Variants in CA10 observed in about 807,000 individuals in gnomAD.
The protein encoded by CA10 is carbonic anhydrase-related protein 10.
A neutral mutation model predicts 44.2 loss-of-function variants in CA10; 14 were observed. The observed-to-expected ratio is 0.32, with a 90% CI of 0.21 to 0.50. The LOEUF is 0.50. Ranked by LOEUF, CA10 falls within the 20% of genes least tolerant of loss-of-function variation. The probability of loss-of-function intolerance (pLI) is 0.99; values close to 1 mark genes in which losing one functional copy is unlikely to be tolerated. For synonymous variants in CA10, 159 were observed against 141.6 expected (o/e 1.12, Z -0.87); for missense variants, 350 against 409.7 (o/e 0.85, Z 1.26).
chr17:51,735,883 G>C (rs1916887466), intron 4 of CA10, among the ~76,000 whole-genome samples: 1 of 148,630 alleles, frequency 6.7e-6, no homozygotes, highest in Non-Finnish European at 1.5e-5. Flanking sequence ...ATCCAGGAAA[G>C]GCAAAACTCT....
intron 3 of CA10, among the ~76,000 whole-genome samples, chr17:51,820,324 C>G (rs1907722884): frequency 6.7e-6 from 1 of 148,378 alleles, no homozygotes; most frequent in Non-Finnish European, 1.5e-5. Context: ...AGTGGGTATT[C>G]AGTCAATGTT....
intron 4 of CA10, among the ~76,000 whole-genome samples, chr17:51,707,268 T>C (rs2143478547): frequency 6.6e-6 from 1 of 152,304 alleles, no homozygotes; most frequent in East Asian, 1.9e-4. Flanking sequence ...CGAGCATTCT[T>C]TTTATAGAGA....
intron 2 of CA10, among the ~76,000 whole-genome samples, chr17:51,938,220 G>A (rs1348313886): frequency 6.6e-6 from 1 of 152,144 alleles, no homozygotes; most frequent in Non-Finnish European, 1.5e-5. Context: ...ATTTATAAAT[G>A]GTCTAGCATA....
chr17:51,995,150 A>G (rs997876404), intron 2 of CA10, among the ~76,000 whole-genome samples: 5 of 152,080 alleles, frequency 3.3e-5, no homozygotes, highest in African/African-American at 1.2e-4. Flanking sequence ...ATTATGGTTG[A>G]TACACAAAGT....
chr17:52,137,656 A>G (rs1215937536), intron 1 of CA10, among the ~76,000 whole-genome samples: 2 of 152,230 alleles, frequency 1.3e-5, no homozygotes. Flanking sequence ...TCCAGAAGCT[A>G]TAATATCTTT....
At chr17:51,927,920 T>C (rs1246174433) in intron 3 of CA10, among the ~76,000 whole-genome samples, 1 of 152,174 alleles carries the variant, frequency 6.6e-6, no homozygotes, top group Non-Finnish European at 1.5e-5. Flanking sequence ...CCAAACAATG[T>C]AGCAATTGGA....
intron 1 of CA10, among the ~76,000 whole-genome samples, chr17:52,138,341 A>G (rs536194231): frequency 3.0e-4 from 45 of 152,316 alleles, no homozygotes; most frequent in Non-Finnish European, 5.1e-4. Context: ...CAAGATCTTT[A>G]ATCATGAATG....
At chr17:51,802,706 CAG>C (rs1400360974) in intron 3 of CA10, among the ~76,000 whole-genome samples, 1 of 152,124 alleles carries the variant, frequency 6.6e-6, no homozygotes, top group African/African-American at 2.4e-5. Flanking sequence ...GGGATGTCCC[CAG>C]AGTGTCCCCA....
chr17:52,065,804 G>A (rs192586873), intron 2 of CA10, among the ~76,000 whole-genome samples: 9 of 152,242 alleles, frequency 5.9e-5, no homozygotes, highest in African/African-American at 2.2e-4. Flanking sequence ...CCATTGATAT[G>A]GTTTGGCTGT....
intron 3 of CA10, among the ~76,000 whole-genome samples, chr17:51,792,704 G>A (rs549678839): frequency 8.9e-4 from 135 of 152,286 alleles, no homozygotes; most frequent in African/African-American, 3.2e-3. Flanking sequence ...TAGAGAGGCT[G>A]GTCTGCATTA....
chr17:51,788,040 A>G lies in CA10; in HGVS notation c.280-40222T>C, dbSNP rs191511393. Among the ~76,000 whole-genome samples, 57 of 152,056 alleles carry G rather than the reference A, an allele frequency of 3.7e-4. 2 individuals carry two copies. Among genetic ancestry groups the G allele is most frequent in the Middle Eastern group, 3.4e-3 (1 of 294 alleles). ...TTGCTTTTCTAGTTCTTTAAGATAC[A>G]TGGTTAGGTTGCTTATTTGAAATTT... is the stretch of plus-strand genomic sequence containing the variant. On this transcript the variant is annotated intron_variant, in intron 3 of 8. Coordinates refer to ENST00000451037, the MANE Select transcript of CA10 (RefSeq NM_020178.5).
chr17:51,901,040 C>T (rs1981291160), intron 3 of CA10, among the ~76,000 whole-genome samples: 1 of 152,116 alleles, frequency 6.6e-6, no homozygotes, highest in African/African-American at 2.4e-5. Context: ...GGTTAAAAAC[C>T]ACTGCTGGAG....
At chr17:51,635,596 C>T (rs1312757127) in intron 7 of CA10, among the ~76,000 whole-genome samples, 1 of 152,104 alleles carries the variant, frequency 6.6e-6, no homozygotes, top group Non-Finnish European at 1.5e-5. Flanking sequence ...GTCAGCAAAC[C>T]ACTAGAAGCT....
intron 1 of CA10, among the ~76,000 whole-genome samples, chr17:52,140,420 G>GTACA (rs1417947862): frequency 6.6e-6 from 1 of 152,152 alleles, no homozygotes; most frequent in Non-Finnish European, 1.5e-5. Flanking sequence ...ATACTAGACA[G>GTACA]TACATAAATG....
intron 1 of CA10, among the ~76,000 whole-genome samples, chr17:52,134,726 C>T (rs971765266): frequency 3.3e-5 from 5 of 152,122 alleles, no homozygotes; most frequent in African/African-American, 4.8e-5. Flanking sequence ...CTGCCTCTTC[C>T]CTTCACAGTA....
intron 3 of CA10, among the ~76,000 whole-genome samples, chr17:51,751,014 C>T (rs1904872531): frequency 6.6e-6 from 1 of 152,198 alleles, no homozygotes. Flanking sequence ...CTCAGTCTGC[C>T]TCTTGCGACC....
At chr17:51,695,296 T>C (rs1281064090) in intron 4 of CA10, among the ~76,000 whole-genome samples, 1 of 151,284 alleles carries the variant, frequency 6.6e-6, no homozygotes, top group East Asian at 2.0e-4. Flanking sequence ...CATGGAATAT[T>C]TTTCCATTTG....
intron 3 of CA10, among the ~76,000 whole-genome samples, chr17:51,756,632 GCTAA>G (rs1905089464): frequency 1.3e-5 from 2 of 151,836 alleles, no homozygotes; most frequent in African/African-American, 4.8e-5. Flanking sequence ...ACCATGCCTG[GCTAA>G]CTTTTTTTTT....
In CA10 at chr17:51,931,106, A is replaced by G; in HGVS notation, c.163T>C (p.Ser55Pro). The G allele has an allele frequency of 6.2e-7, 1 of 1,613,636 alleles. No homozygotes were observed. Among genetic ancestry groups the G allele is most frequent in the Non-Finnish European group, 8.5e-7 (1 of 1,179,684 alleles). Reference sequence around the variant, plus strand: ...CCCACAGAGCAAAGATTCCAAGCTGAGTTCACCAATCCCCAGAAAGAAGGA... The same window carrying G: ...CCCACAGAGCAAAGATTCCAAGCTGGGTTCACCAATCCCCAGAAAGAAGGA... ...PVPSFWGLVN[S>P]AWNLCSVGKR... Residue 55 changes from serine (S) to proline (P), a missense_variant, in exon 3 of 9, where the codon TCA (serine) becomes CCA (proline). Physicochemically the swap from Ser to Pro is moderately conservative, Grantham distance 74 (BLOSUM62 -1). Coordinates refer to ENST00000451037, the MANE Select transcript of CA10 (RefSeq NM_020178.5).
Sources: allele counts gnomAD v4.1 joint callset (sites outside exome capture counted in the v4.1 genomes callset), GRCh38; gene constraint gnomAD v4.1.1; transcripts MANE v1.5; gene names NCBI Gene and HGNC (gene_info 2026-07-23, HGNC 2026-07-21).